The following LTBP4 variants were observed in gnomAD, a reference collection of about 807,000 sequenced individuals.
LTBP4 encodes the protein latent transforming growth factor beta binding protein 4.
A neutral mutation model predicts 180.2 loss-of-function variants in LTBP4; 93 were observed. The ratio of observed to expected loss-of-function variants is 0.52; its 90% CI spans 0.44 to 0.61. The LOEUF (loss-of-function observed/expected upper bound fraction) is 0.61. LTBP4 is among the 20% of genes least tolerant of loss of function. The pLI is 0.00. For synonymous variants in LTBP4, 947 were observed against 934.5 expected (o/e 1.01, Z -0.24); for missense variants, 2,116 against 2,256.5 (o/e 0.94, Z 1.26).
chr19:40,609,562 C>T lies in LTBP4; in HGVS notation c.1459C>T (p.Gln487Ter). ...PSSGMCQRNP[Q>*]VCGPGRCISR... Reference sequence around the variant, plus strand: ...CTCCGGCATGTGTCAGCGCAACCCCCAGGTCTGCGGCCCAGGACGCTGCAT... The same window carrying T: ...CTCCGGCATGTGTCAGCGCAACCCCTAGGTCTGCGGCCCAGGACGCTGCAT... The change falls in exon 10 of 30, where the codon CAG becomes TAG. Residue 487 changes from glutamine to a stop codon, truncating the protein, a stop_gained. Transcript: ENST00000396819. LOFTEE classifies it high-confidence loss of function. This position sits in a 1 kb window ranked among gnomAD's most constrained non-coding sequence, Gnocchi z 4.9. 4 of 1,613,446 alleles carry T rather than the reference C, an allele frequency of 2.5e-6. No homozygotes were observed. Among genetic ancestry groups the T allele is most frequent in the Non-Finnish European group, 2.5e-6 (3 of 1,179,834 alleles).
At chr19:40,623,110 T>G in intron 24 of LTBP4, 89 bp downstream of exon 24, 1 of 973,664 alleles carries the variant, frequency 1.0e-6, no homozygotes, top group South Asian at 1.8e-5. Flanking sequence ...CTCTCACCCT[T>G]TCTGTTTCTC....
chr19:40,617,452 T>A (rs910616972), intron 21 of LTBP4, among the ~76,000 whole-genome samples: 1 of 152,122 alleles, frequency 6.6e-6, no homozygotes, highest in Non-Finnish European at 1.5e-5. Context: ...GAAACCAGCC[T>A]GGTCAACATG....
In LTBP4 at chr19:40,629,648, C is replaced by A. The variant is rs2081664510; in HGVS notation, c.*98C>A. On this transcript the variant is annotated 3_prime_UTR_variant, in exon 30 of 30. Transcript: ENST00000396819. The surrounding 1 kb of genome is among the most constrained non-coding windows in gnomAD (Gnocchi z 4.5). ...ATGCGTATGTGCACGGGGCCGCCCG[C>A]CTGGACCTGGAGAAGGGACCTACGG... The A allele has an allele frequency of 1.2e-5, 15 of 1,212,110 alleles. No individual in the cohort carries two copies. The highest frequency in any genetic ancestry group is 1.6e-5 in the Non-Finnish European group (15 of 952,394). 75.1% of individuals were successfully genotyped at this position (1,212,110 alleles called of 1,614,324 possible).
intron 29 of LTBP4, 46 bp downstream of exon 29, chr19:40,627,903 T>C: frequency 6.5e-7 from 1 of 1,529,448 alleles, no homozygotes; most frequent in Non-Finnish European, 8.8e-7. Context: ...AGGCGAGGCT[T>C]GTCCAGGGAG....
chr19:40,612,694 G>T (rs1407530356), intron 15 of LTBP4, among the ~76,000 whole-genome samples: 4 of 152,104 alleles, frequency 2.6e-5, no homozygotes, highest in Non-Finnish European at 5.9e-5. Flanking sequence ...TATAACTTCT[G>T]ATCCTAACTG....
chr19:40,611,088 C>T lies in LTBP4; in HGVS notation c.1811-64C>T, dbSNP rs2081502056. On this transcript the variant is annotated intron_variant, in intron 12 of 29. Transcript: ENST00000396819. The surrounding 1 kb of genome is among the most constrained non-coding windows in gnomAD (Gnocchi z 4.4). ...GACAGAATGTTGGAGGGTGGAAAGCCAAAGTGACAGAGGTCAGGGAGGCAG... is the reference window on the plus strand; with the variant it reads ...GACAGAATGTTGGAGGGTGGAAAGCTAAAGTGACAGAGGTCAGGGAGGCAG... The T allele has an allele frequency of 1.3e-6, 2 of 1,599,668 alleles. No homozygotes were observed. Among genetic ancestry groups the T allele is most frequent in the Admixed American group, 1.7e-5 (1 of 59,258 alleles).
Position 40,606,597 on chromosome 19 carries a change from G to C in LTBP4, c.991+71G>C, listed in dbSNP as rs57694593. On this transcript the variant is annotated intron_variant, in intron 6 of 29. Coordinates refer to ENST00000396819, the MANE Select transcript of LTBP4 (RefSeq NM_001042545.2). The stretch of plus-strand genomic sequence containing the variant: ...CCTCAGAAGTCCCAGAGCATCCTGG[G>C]GCCTTTAATTCCCTCGGACCCCCCC... 1.3e-4 allele frequency: 195 copies of C among 1,517,508 alleles called. 1 individual carries two copies. The African/African-American group carries it at 2.4e-3, about 18-fold the overall frequency. 94.0% of individuals were successfully genotyped at this position (1,517,508 alleles called of 1,614,324 possible).
In LTBP4 at chr19:40,611,896, C is replaced by A. The variant is rs1474482703; in HGVS notation, c.2091C>A (p.Thr697=). ...DECARSPPPC[T]YGRCENTEGS... is the part of the protein sequence containing the mutation. ...GTGCCCGAAGCCCCCCACCCTGCAC[C>A]TACGGCCGGTGTGAGAACACAGAAG... is the stretch of plus-strand genomic sequence containing the variant. The change falls in exon 14 of 30, where the codon ACC becomes ACA. Residue 697 remains threonine, a synonymous_variant. Transcript: ENST00000396819. This position sits in a 1 kb window ranked among gnomAD's most constrained non-coding sequence, Gnocchi z 4.4. The A allele has an allele frequency of 6.2e-7, 1 of 1,608,784 alleles. No homozygotes were observed. The highest frequency in any genetic ancestry group is 2.2e-5 in the East Asian group (1 of 44,696).
At position 40,607,408 on chromosome 19, in the gene LTBP4, G is replaced by A; in HGVS notation, c.1035G>A (p.Val345=). 4 of 1,613,150 alleles carry A rather than the reference G, an allele frequency of 2.5e-6. No homozygotes were observed. Among genetic ancestry groups the A allele is most frequent in the Non-Finnish European group, 3.4e-6 (4 of 1,179,630 alleles). Residue 345 remains valine (V), a synonymous_variant, in exon 7 of 30, where the codon GTG becomes GTA. Transcript: ENST00000396819. The stretch of plus-strand genomic sequence containing the variant: ...AGGCCAAAGGGCCCTGCTTCCGCGT[G>A]CTCCGCGACGGCGGCTGTTCGCTGC... The part of the protein sequence containing the change: ...ISEAKGPCFR[V]LRDGGCSLPI...
In LTBP4 at chr19:40,609,734, C is replaced by T. The variant is rs746755677; in HGVS notation, c.1559-12C>T. On this transcript the variant is annotated splice_polypyrimidine_tract_variant and intron_variant, in intron 10 of 29. Coordinates refer to ENST00000396819, the MANE Select transcript of LTBP4 (RefSeq NM_001042545.2). This position sits in a 1 kb window ranked among gnomAD's most constrained non-coding sequence, Gnocchi z 4.9. The stretch of plus-strand genomic sequence containing the variant: ...CTGGTCACCTTGTCACCAGCCCCCT[C>T]CGTGTCCTCAGATGTGGACGAATGT... The T allele has an allele frequency of 6.2e-7, 1 of 1,611,536 alleles. No individual in the cohort carries two copies. The highest frequency in any genetic ancestry group is 1.1e-5 in the South Asian group (1 of 91,018).
intron 6 of LTBP4, among the ~76,000 whole-genome samples, 162 bp from the exon 7 acceptor site, chr19:40,607,203 C>A (rs758646516): frequency 1.2e-4 from 19 of 152,216 alleles, no homozygotes; most frequent in Non-Finnish European, 2.8e-4. Context: ...ACCTCCAGAG[C>A]CCACTGCTCT....
chr19:40,623,100 C>CTCTCACCCTTTCTGTT lies in LTBP4; in HGVS notation c.3556+84_3556+99dup, dbSNP rs1317267193. 5.6e-6 allele frequency: 6 copies of CTCTCACCCTTTCTGTT among 1,080,668 alleles called. No homozygotes were observed. The Admixed American group carries it at 1.5e-4, about 28-fold the overall frequency. 66.9% of individuals were successfully genotyped at this position (1,080,668 alleles called of 1,614,324 possible). A position where few individuals can be genotyped will look rare whatever the true frequency, so the allele number is the denominator to read the frequency against. Reference sequence around the variant, plus strand: ...CTCTTCCTGTTTTCTTTGCCTCTGTCTCTCACCCTTTCTGTTTCTCTGTAT... The same window carrying CTCTCACCCTTTCTGTT: ...CTCTTCCTGTTTTCTTTGCCTCTGTCTCTCACCCTTTCTGTTTCTCACCCTTTCTGTTTCTCTGTAT... On this transcript the variant is annotated intron_variant, in intron 24 of 29. Coordinates refer to ENST00000396819, the MANE Select transcript of LTBP4 (RefSeq NM_001042545.2).
chr19:40,599,123 C>T (rs1373725662), upstream of LTBP4: 2 of 1,400,774 alleles, frequency 1.4e-6, no homozygotes, highest in African/African-American at 1.4e-5. Context: ...CTTGGTTTCC[C>T]CTCCCCGATT....
chr19:40,601,306 C>T (rs1337755239), upstream of LTBP4: 4 of 970,390 alleles, frequency 4.1e-6, no homozygotes, highest in African/African-American at 1.8e-5. Flanking sequence ...CGGGCGACCT[C>T]CCCCGCGGGC....
Position 40,601,429 on chromosome 19 carries a change from G to A in LTBP4, c.42G>A (p.Val14=). 2 of 1,450,536 alleles carry A rather than the reference G, an allele frequency of 1.4e-6. No homozygotes were observed. Among genetic ancestry groups the A allele is most frequent in the South Asian group, 1.3e-5 (1 of 74,818 alleles). The allele number at this position is 1,450,536 out of a possible 1,614,324, so 89.9% of individuals were successfully genotyped here. Residue 14 remains valine, a synonymous_variant, in exon 1 of 30, where the codon GTG becomes GTA. Transcript: ENST00000396819. ...GVRLLWVSLL[V]LLAQLGPQPG... ...GGCTGCTCTGGGTGTCGCTATTGGT[G>A]CTGCTGGCGCAGCTAGGGCCGCAGC...
chr19:40,628,757 T>C lies in LTBP4; in HGVS notation c.4520-639T>C, dbSNP rs566757839. 2.0e-5 allele frequency among the ~76,000 whole-genome samples: 3 copies of C among 152,234 alleles called. No individual in the cohort carries two copies. The South Asian group carries it at 6.2e-4, about 32-fold the overall frequency. On this transcript the variant is annotated intron_variant, in intron 29 of 29. Coordinates refer to ENST00000396819, the MANE Select transcript of LTBP4 (RefSeq NM_001042545.2). ...AATTACAGTACCTACCTAATAGGGGTATTAGAAGGACAAAGTTAATACTTG... is the reference window on the plus strand; with the variant it reads ...AATTACAGTACCTACCTAATAGGGGCATTAGAAGGACAAAGTTAATACTTG...
intron 15 of LTBP4, 69 bp from the exon 16 acceptor site, chr19:40,612,996 C>T (rs913470621): frequency 2.5e-5 from 38 of 1,529,642 alleles, no homozygotes; most frequent in Middle Eastern, 1.7e-4. Context: ...CCCAGACACC[C>T]TACTCCAAGG....
At position 40,625,277 on chromosome 19, in the gene LTBP4, TATATATATATATATATATATATATA is replaced by T. The variant is rs2081619151; in HGVS notation, c.3833-579_3833-555del. Among the ~76,000 whole-genome samples, 48 of 7,678 alleles carry T rather than the reference TATATATATATATATATATATATATA, an allele frequency of 6.3e-3. 9 individuals are homozygous for T. Among genetic ancestry groups the T allele is most frequent in the Middle Eastern group, 0.026 (1 of 38 alleles). The allele number at this position is 7,678 out of a possible 152,430, so 5.0% of individuals were successfully genotyped here. ...TTATATATATATATATATATATATATATATATATATATATATATATATATATATATATATATATATTTTTTTTTTT... is the reference window on the plus strand; with the variant it reads ...TTATATATATATATATATATATATATTATATATATATATATTTTTTTTTTT... On this transcript the variant is annotated intron_variant, in intron 26 of 29. Transcript: ENST00000396819.
At chr19:40,627,594 G>A (rs1389797001) in intron 28 of LTBP4, 111 bp from the exon 29 acceptor site, 8 of 1,424,822 alleles carry the variant, frequency 5.6e-6, no homozygotes, top group East Asian at 2.5e-5. Flanking sequence ...GCCCTGGAGC[G>A]GGATGGACAG....
Sources: gnomAD v4.1 joint callset for allele counts (sites outside exome capture counted in the v4.1 genomes callset) on GRCh38, gnomAD v4.1.1 for gene constraint, Gnocchi (gnomAD v3.1) non-coding constraint, MANE v1.5 for transcripts, NCBI Gene and HGNC (gene_info 2026-07-23, HGNC 2026-07-21) for gene names.